BRD10: variants seen among roughly 807,000 people sequenced by gnomAD.
The protein encoded by BRD10 is bromodomain containing 10, also known as uncharacterized bromodomain-containing protein 10.
At chr9:5,954,047 A>C in the BRD10 span, 1 of 1,569,648 alleles carries the variant, frequency 6.4e-7, no homozygotes, top group Non-Finnish European at 8.7e-7. Flanking sequence ...TGACTTTATG[A>C]CAGTTTTCCT....
the BRD10 span, among the ~76,000 whole-genome samples, chr9:5,961,637 CAT>C: frequency 4.7e-3 from 721 of 152,110 alleles, 6 homozygotes; most frequent in African/African-American, 0.017. Context: ...TGAATAAAAA[CAT>C]AGGATCAAGC....
the BRD10 span, among the ~76,000 whole-genome samples, chr9:5,936,872 G>A: frequency 6.6e-6 from 1 of 152,116 alleles, no homozygotes; most frequent in African/African-American, 2.4e-5. Flanking sequence ...AATTTATTGG[G>A]ACTTTGAAAA....
At chr9:5,884,750 A>C in the BRD10 span, among the ~76,000 whole-genome samples, 2 of 152,148 alleles carry the variant, frequency 1.3e-5, no homozygotes, top group Admixed American at 6.6e-5. Context: ...TTTCCACTCC[A>C]AAGGTCATTT....
chr9:5,889,219 C>T, the BRD10 span, among the ~76,000 whole-genome samples: 1 of 152,224 alleles, frequency 6.6e-6, no homozygotes. Context: ...ACATGTCACA[C>T]AACCAATGCT....
chr9:5,968,231 T>C, the BRD10 span: 1 of 1,612,872 alleles, frequency 6.2e-7, no homozygotes, highest in Admixed American at 1.7e-5. Context: ...CTGTAGTGAC[T>C]GCTCTAATAG....
At chr9:5,898,011 G>A in the BRD10 span, 1 of 213,214 alleles carries the variant, frequency 4.7e-6, no homozygotes, top group Non-Finnish European at 9.7e-6. Flanking sequence ...CATAGTGGAA[G>A]GCATCACATG....
chr9:6,005,340 A>G, the BRD10 span, among the ~76,000 whole-genome samples: 2 of 151,500 alleles, frequency 1.3e-5, no homozygotes. Context: ...GCGAAACCCC[A>G]TCTCTACCAA....
chr9:5,923,004 T>G, the BRD10 span: 3 of 1,613,938 alleles, frequency 1.9e-6, no homozygotes, highest in Non-Finnish European at 2.5e-6. Flanking sequence ...TTCTGGAGAG[T>G]AGACACTGGT....
At chr9:5,929,895 C>T in the BRD10 span, among the ~76,000 whole-genome samples, 36 of 152,214 alleles carry the variant, frequency 2.4e-4, no homozygotes, top group Admixed American at 2.2e-3. Flanking sequence ...AACTTAAACC[C>T]GTATCTGCCT....
At chr9:5,944,265 G>A in the BRD10 span, among the ~76,000 whole-genome samples, 1 of 151,972 alleles carries the variant, frequency 6.6e-6, no homozygotes, top group African/African-American at 2.4e-5. Context: ...GCACAATTGA[G>A]TGTTTTACCA....
the BRD10 span, among the ~76,000 whole-genome samples, chr9:5,889,559 G>C: frequency 1.3e-5 from 2 of 152,210 alleles, no homozygotes; most frequent in Non-Finnish European, 2.9e-5. Context: ...GGCTGAGGCA[G>C]GTGGATCATG....
At chr9:5,985,146 T>G in the BRD10 span, among the ~76,000 whole-genome samples, 2 of 152,192 alleles carry the variant, frequency 1.3e-5, no homozygotes, top group African/African-American at 4.8e-5. Flanking sequence ...CAAAGGTAAT[T>G]CAGTGGTGAA....
chr9:5,911,586 G>C, the BRD10 span, among the ~76,000 whole-genome samples: 1 of 150,068 alleles, frequency 6.7e-6, no homozygotes. Flanking sequence ...CCCAGGCGGA[G>C]TGCAGTGGCA....
the BRD10 span, chr9:5,921,990 C>T: frequency 5.9e-5 from 96 of 1,613,930 alleles, no homozygotes; most frequent in Middle Eastern, 4.9e-4. Context: ...GTTCCAGCTA[C>T]AGGTGAAAAA....
At chr9:5,932,646 G>A in the BRD10 span, among the ~76,000 whole-genome samples, 1 of 152,204 alleles carries the variant, frequency 6.6e-6, no homozygotes, top group East Asian at 1.9e-4. Flanking sequence ...ATGGATTTTG[G>A]TATGAAGGTG....
chr9:5,955,431 T>C, the BRD10 span, among the ~76,000 whole-genome samples: 1 of 151,970 alleles, frequency 6.6e-6, no homozygotes, highest in Non-Finnish European at 1.5e-5. Context: ...GTAACTTTGC[T>C]GTACATAATC....
chr9:5,914,408 T>TG, the BRD10 span, among the ~76,000 whole-genome samples: 1 of 118,514 alleles, frequency 8.4e-6, no homozygotes, highest in African/African-American at 3.0e-5. Flanking sequence ...CAAATCCAGA[T>TG]GGTTTTTTTT....
At chr9:5,907,187 T>TA in the BRD10 span, 739 of 364,844 alleles carry the variant, frequency 2.0e-3, 5 homozygotes, top group African/African-American at 0.015. Flanking sequence ...TAAATAATAA[T>TA]AAAAAACAAG....
chr9:5,965,170 A>G, the BRD10 span, among the ~76,000 whole-genome samples: 1 of 152,104 alleles, frequency 6.6e-6, no homozygotes, highest in Non-Finnish European at 1.5e-5. Context: ...AAAACAGACC[A>G]GATTAACCAC....
Sources: allele counts gnomAD v4.1 joint callset (sites outside exome capture counted in the v4.1 genomes callset), GRCh38; gene constraint gnomAD v4.1.1; transcripts MANE v1.5; gene names NCBI Gene and HGNC (gene_info 2026-07-23, HGNC 2026-07-21).